FRAS1: variants seen among roughly 807,000 people sequenced by gnomAD.
FRAS1 encodes the protein Fraser extracellular matrix complex subunit 1, also known as extracellular matrix organizing protein FRAS1.
In FRAS1, 290 loss-of-function variants were observed where a neutral mutation model predicts 435.2. The ratio of observed to expected loss-of-function variants is 0.67; its 90% CI spans 0.61 to 0.73. FRAS1 has a LOEUF of 0.73. Among genes scored for constraint, FRAS1 ranks in the 30% least tolerant of loss-of-function variants. FRAS1 has a pLI of 0.00. For missense variants in FRAS1, 4,860 were observed against 5,001.5 expected (o/e 0.97, Z 0.85); for synonymous variants, 1,800 against 1,851.0 (o/e 0.97, Z 0.71).
intron 6 of FRAS1, among the ~76,000 whole-genome samples, chr4:78,260,475 G>A (rs1369187245): frequency 6.6e-6 from 1 of 151,946 alleles, no homozygotes; most frequent in Non-Finnish European, 1.5e-5. Flanking sequence ...ATTGTGAACG[G>A]GAGTTCACTC....
chr4:78,383,483 G>A (rs1732100362), intron 27 of FRAS1, among the ~76,000 whole-genome samples: 2 of 152,104 alleles, frequency 1.3e-5, no homozygotes, highest in South Asian at 4.1e-4. Context: ...GCTGGCTCTC[G>A]GGCCAGTTGC....
At chr4:78,496,364 A>G (rs1720506761) in intron 59 of FRAS1, among the ~76,000 whole-genome samples, 1 of 152,232 alleles carries the variant, frequency 6.6e-6, no homozygotes, top group Non-Finnish European at 1.5e-5. Flanking sequence ...ATAAGACTTC[A>G]ATTTTTACAA....
chr4:78,239,693 C>T lies in FRAS1; in HGVS notation c.216+2076C>T, dbSNP rs1724919874. 2.0e-5 allele frequency among the ~76,000 whole-genome samples: 3 copies of T among 152,110 alleles called. No individual in the cohort carries two copies. The South Asian group carries it at 6.2e-4, about 31-fold the overall frequency. On this transcript the variant is annotated intron_variant, in intron 3 of 73. Transcript: ENST00000512123. ...AGACACCAAGCCTCCTTGCTGTTCC[C>T]TGAATATATATGTATATATCTGAGA...
At chr4:78,418,118 A>G (rs1244648659) in intron 32 of FRAS1, among the ~76,000 whole-genome samples, 1 of 152,230 alleles carries the variant, frequency 6.6e-6, no homozygotes, top group East Asian at 1.9e-4. Flanking sequence ...AGTAAAAGCT[A>G]CATTCGCATC....
At chr4:78,287,923 G>A (rs1378378745) in intron 14 of FRAS1, among the ~76,000 whole-genome samples, 1 of 152,184 alleles carries the variant, frequency 6.6e-6, no homozygotes, top group African/African-American at 2.4e-5. Context: ...TAGCTTCCGA[G>A]TTTGGCTTGG....
intron 25 of FRAS1, among the ~76,000 whole-genome samples, chr4:78,374,730 A>G (rs535561474): frequency 7.9e-5 from 12 of 152,312 alleles, no homozygotes; most frequent in African/African-American, 2.6e-4. Context: ...CTCCTTGTCC[A>G]CTGGATTAGC....
chr4:78,088,821 A>G (rs1403579636), intron 2 of FRAS1, among the ~76,000 whole-genome samples: 3 of 152,316 alleles, frequency 2.0e-5, no homozygotes, highest in Middle Eastern at 3.4e-3. Context: ...ACACTTTTAC[A>G]CTGTTGGTGG....
intron 2 of FRAS1, among the ~76,000 whole-genome samples, chr4:78,214,936 G>A (rs1018515996): frequency 9.9e-5 from 15 of 152,130 alleles, no homozygotes; most frequent in African/African-American, 3.6e-4. Context: ...ACCATAGTCT[G>A]TGTTCCTGCA....
At chr4:78,180,447 T>C (rs1289035892) in intron 2 of FRAS1, among the ~76,000 whole-genome samples, 1 of 152,234 alleles carries the variant, frequency 6.6e-6, no homozygotes, top group Non-Finnish European at 1.5e-5. Flanking sequence ...AAAGCCAGTA[T>C]GTCCAATATT....
chr4:78,218,971 A>G (rs1262598100), intron 2 of FRAS1, among the ~76,000 whole-genome samples: 4 of 152,202 alleles, frequency 2.6e-5, no homozygotes, highest in African/African-American at 7.2e-5. Context: ...ATTTCTTTCT[A>G]TTCTTATAGA....
intron 2 of FRAS1, among the ~76,000 whole-genome samples, chr4:78,206,437 T>C (rs943193555): frequency 6.6e-6 from 1 of 152,106 alleles, no homozygotes; most frequent in Non-Finnish European, 1.5e-5. Flanking sequence ...ATTTCAAACT[T>C]CTCACTTCCA....
At chr4:78,527,116 TTATATGTTAATTGG>T (rs1206534650) in intron 70 of FRAS1, among the ~76,000 whole-genome samples, 1 of 152,100 alleles carries the variant, frequency 6.6e-6, no homozygotes, top group African/African-American at 2.4e-5. Flanking sequence ...TAAAACAAGG[TTATATGTTAATTGG>T]TTGATATAAA....
At position 78,294,099 on chromosome 4, in the gene FRAS1, G is replaced by C. The variant is rs573090239; in HGVS notation, c.1534+7560G>C. Reference sequence around the variant, plus strand: ...ATTTTAGCTAGACTGTATGGCATACGTTCTTTCTCTTCTCCATTCCCCACC... The same window carrying C: ...ATTTTAGCTAGACTGTATGGCATACCTTCTTTCTCTTCTCCATTCCCCACC... On this transcript the variant is annotated intron_variant, in intron 14 of 73. Transcript: ENST00000512123. 6.5e-4 allele frequency among the ~76,000 whole-genome samples: 99 copies of C among 152,276 alleles called. 1 individual carries two copies. Among genetic ancestry groups the C allele is most frequent in the African/African-American group, 2.2e-3 (92 of 41,558 alleles).
chr4:78,536,325 A>G (rs1323753081), intron 71 of FRAS1, among the ~76,000 whole-genome samples: 3 of 150,958 alleles, frequency 2.0e-5, no homozygotes, highest in Non-Finnish European at 4.4e-5. Flanking sequence ...AACCTTCCAT[A>G]CCATTCCCTA....
At chr4:78,363,874 C>A (rs769827317) in intron 21 of FRAS1, 34 bp from the exon 22 acceptor site, 1 of 1,585,266 alleles carries the variant, frequency 6.3e-7, no homozygotes. Context: ...AATCTGACAT[C>A]ATGGTTTCTG....
chr4:78,181,116 T>C, intron 2 of FRAS1: 2 of 1,571,036 alleles, frequency 1.3e-6, no homozygotes, highest in Non-Finnish European at 1.8e-6. Context: ...CTTTGATTTA[T>C]GAAAACAAAT....
chr4:78,371,694 A>G (rs1054929889), intron 23 of FRAS1, among the ~76,000 whole-genome samples: 9 of 152,178 alleles, frequency 5.9e-5, no homozygotes, highest in African/African-American at 1.9e-4. Flanking sequence ...TTCAAAACCC[A>G]TGCACTTAAC....
intron 2 of FRAS1, among the ~76,000 whole-genome samples, chr4:78,102,662 AT>A (rs1742192259): frequency 6.6e-6 from 1 of 152,232 alleles, no homozygotes; most frequent in Admixed American, 6.5e-5. Flanking sequence ...AGCCAAATAT[AT>A]AGTGAGGGCT....
chr4:78,495,602 T>C (rs1372889120), intron 59 of FRAS1, among the ~76,000 whole-genome samples: 1 of 152,168 alleles, frequency 6.6e-6, no homozygotes, highest in Non-Finnish European at 1.5e-5. Flanking sequence ...CAGCTTTGAG[T>C]CTACATGTCT....
Sources: gnomAD v4.1 joint callset for allele counts (sites outside exome capture counted in the v4.1 genomes callset) on GRCh38, gnomAD v4.1.1 for gene constraint, MANE v1.5 for transcripts, NCBI Gene and HGNC (gene_info 2026-07-23, HGNC 2026-07-21) for gene names.